The following KCTD16 variants were observed in gnomAD, a reference collection of about 807,000 sequenced individuals.
KCTD16 encodes BTB/POZ domain-containing protein KCTD16.
A neutral mutation model predicts 33.2 loss-of-function variants in KCTD16; 13 were observed. That is an observed-to-expected ratio of 0.39 (90% CI 0.25 to 0.62). KCTD16 has a LOEUF of 0.62. KCTD16 is among the 20% of genes least tolerant of loss of function. KCTD16 has a pLI of 0.50. For missense variants in KCTD16, 441 were observed against 525.1 expected (o/e 0.84, Z 1.57); for synonymous variants, 197 against 195.3 (o/e 1.01, Z -0.07).
chr5:144,258,182 C>A lies in KCTD16; in HGVS notation c.832+50636C>A, dbSNP rs77610773. Reference sequence around the variant, plus strand: ...ATAGCAAATTAGATGAAAAGAACATCTATATAAAGACAGTGTCCTACATAT... The same window carrying A: ...ATAGCAAATTAGATGAAAAGAACATATATATAAAGACAGTGTCCTACATAT... On this transcript the variant is annotated intron_variant, in intron 3 of 3. Transcript: ENST00000512467. 2.6e-5 allele frequency among the ~76,000 whole-genome samples: 4 copies of A among 152,194 alleles called. No individual in the cohort carries two copies. In the East Asian group the frequency reaches 7.7e-4, roughly 29 times the overall value.
chr5:144,473,412 G>A (rs1754522411), intron 3 of KCTD16, among the ~76,000 whole-genome samples: 1 of 152,134 alleles, frequency 6.6e-6, no homozygotes, highest in Non-Finnish European at 1.5e-5. Flanking sequence ...TGACTCCCGT[G>A]CTCATGGGCT....
At chr5:144,425,241 GA>G (rs956562630) in intron 3 of KCTD16, among the ~76,000 whole-genome samples, 2 of 152,238 alleles carry the variant, frequency 1.3e-5, no homozygotes, top group African/African-American at 2.4e-5. Context: ...CCAGAAGGGG[GA>G]AAAACTCAAG....
intron 3 of KCTD16, among the ~76,000 whole-genome samples, chr5:144,433,652 A>G (rs1458335857): frequency 6.6e-6 from 1 of 152,166 alleles, no homozygotes; most frequent in Non-Finnish European, 1.5e-5. Flanking sequence ...GTGATGTCAC[A>G]TTCACCTTCA....
At chr5:144,216,865 A>AAG (rs968160497) in intron 3 of KCTD16, among the ~76,000 whole-genome samples, 38 of 151,878 alleles carry the variant, frequency 2.5e-4, no homozygotes, top group South Asian at 1.3e-3. Flanking sequence ...AAAAAAGAAA[A>AAG]AGAGAGAGAG....
At chr5:144,420,499 G>A (rs1455292047) in intron 3 of KCTD16, among the ~76,000 whole-genome samples, 1 of 151,696 alleles carries the variant, frequency 6.6e-6, no homozygotes, top group Non-Finnish European at 1.5e-5. Flanking sequence ...TGGGTCCAAA[G>A]TGACTTATTT....
intron 2 of KCTD16, among the ~76,000 whole-genome samples, chr5:144,192,695 C>T (rs1255374631): frequency 1.3e-5 from 2 of 152,154 alleles, no homozygotes; most frequent in East Asian, 1.9e-4. Context: ...GCTGGTCCTT[C>T]ACATATCAAA....
At chr5:144,306,792 TC>T (rs1751613835) in intron 3 of KCTD16, among the ~76,000 whole-genome samples, 1 of 152,140 alleles carries the variant, frequency 6.6e-6, no homozygotes, top group African/African-American at 2.4e-5. Context: ...CTTTCTAAAT[TC>T]CTGAAAACAG....
chr5:144,247,527 C>T (rs1163634734), intron 3 of KCTD16, among the ~76,000 whole-genome samples: 1 of 152,186 alleles, frequency 6.6e-6, no homozygotes, highest in Non-Finnish European at 1.5e-5. Context: ...ACTATTCCCA[C>T]TGTGCTGTCT....
intron 3 of KCTD16, among the ~76,000 whole-genome samples, chr5:144,374,806 C>A (rs900206055): frequency 6.6e-6 from 1 of 152,006 alleles, no homozygotes; most frequent in African/African-American, 2.4e-5. Context: ...GCCTGTAGCT[C>A]TCATTACCAC....
At chr5:144,338,376 G>A (rs1752542231) in intron 3 of KCTD16, among the ~76,000 whole-genome samples, 1 of 152,196 alleles carries the variant, frequency 6.6e-6, no homozygotes, top group Admixed American at 6.5e-5. Flanking sequence ...TGGGCTGGTT[G>A]TGCAGCTTTG....
In KCTD16 at chr5:144,474,201, A is replaced by G. The variant is rs925164594; in HGVS notation, c.*87A>G. 6.0e-6 allele frequency: 6 copies of G among 1,006,124 alleles called. No individual in the cohort carries two copies. The highest frequency in any genetic ancestry group is 3.3e-5 in the African/African-American group (2 of 61,214). 62.3% of individuals were successfully genotyped at this position (1,006,124 alleles called of 1,614,324 possible). A position where few individuals can be genotyped will look rare whatever the true frequency, so the allele number is the denominator to read the frequency against. On this transcript the variant is annotated 3_prime_UTR_variant, in exon 4 of 4. Coordinates refer to ENST00000512467, the MANE Select transcript of KCTD16 (RefSeq NM_020768.4). ...AATTCATATTTTAAAGGAAAAAAAT[A>G]CAACTAATGATGCACATTTCTTAGA... is the stretch of plus-strand genomic sequence containing the variant.
chr5:144,238,785 T>C (rs936244403), intron 3 of KCTD16, among the ~76,000 whole-genome samples: 1 of 152,210 alleles, frequency 6.6e-6, no homozygotes, highest in African/African-American at 2.4e-5. Flanking sequence ...GGCACATCCT[T>C]CAGCATCATT....
At chr5:144,335,062 G>A (rs1185363114) in intron 3 of KCTD16, among the ~76,000 whole-genome samples, 1 of 151,990 alleles carries the variant, frequency 6.6e-6, no homozygotes, top group Non-Finnish European at 1.5e-5. Context: ...TTACAGAAAT[G>A]AGCCACTAGG....
intron 3 of KCTD16, among the ~76,000 whole-genome samples, chr5:144,380,781 T>A (rs1752196569): frequency 6.6e-6 from 1 of 152,184 alleles, no homozygotes; most frequent in Non-Finnish European, 1.5e-5. Flanking sequence ...AGATCGAAAC[T>A]GGACTACTTC....
In KCTD16 at chr5:144,246,875, T is replaced by C. The variant is rs895329632; in HGVS notation, c.832+39329T>C. Among the ~76,000 whole-genome samples the C allele has an allele frequency of 6.5e-4, 99 of 152,194 alleles. 1 individual carries two copies. The highest frequency in any genetic ancestry group is 2.3e-3 in the African/African-American group (94 of 41,460). On this transcript the variant is annotated intron_variant, in intron 3 of 3. Transcript: ENST00000512467. ...TTGCCTCCTCTAGCCATGGAGAAGA[T>C]GTATCAGGGAGAGCATGAACTTTGG... is the stretch of plus-strand genomic sequence containing the variant.
At chr5:144,471,658 G>A (rs1398350529) in intron 3 of KCTD16, among the ~76,000 whole-genome samples, 1 of 152,194 alleles carries the variant, frequency 6.6e-6, no homozygotes, top group Non-Finnish European at 1.5e-5. Context: ...TATGCTGGCA[G>A]ACAGAAAGCA....
chr5:144,394,055 T>C (rs1752512610), intron 3 of KCTD16, among the ~76,000 whole-genome samples: 1 of 151,686 alleles, frequency 6.6e-6, no homozygotes, highest in South Asian at 2.1e-4. Context: ...AGTTGATGAT[T>C]GGCAGCTCCC....
intron 3 of KCTD16, among the ~76,000 whole-genome samples, chr5:144,295,090 A>T (rs1755999176): frequency 6.6e-6 from 1 of 152,228 alleles, no homozygotes; most frequent in Admixed American, 6.5e-5. Flanking sequence ...AAAGGGGGAT[A>T]ATAACAGTAT....
chr5:144,267,764 A>G (rs1468935533), intron 3 of KCTD16, among the ~76,000 whole-genome samples: 3 of 152,188 alleles, frequency 2.0e-5, no homozygotes, highest in Admixed American at 2.0e-4. Flanking sequence ...CTATGGTGAT[A>G]TGTTTGAGCT....
Sources: allele counts gnomAD v4.1 joint callset (sites outside exome capture counted in the v4.1 genomes callset), GRCh38; gene constraint gnomAD v4.1.1; transcripts MANE v1.5; gene names NCBI Gene and HGNC (gene_info 2026-07-23, HGNC 2026-07-21).